RBBP8: variants seen among roughly 807,000 people sequenced by gnomAD.
RBBP8 encodes DNA endonuclease RBBP8.
RBBP8 carries 88 observed loss-of-function variants against 108.3 expected under a neutral mutation model. The ratio of observed to expected loss-of-function variants is 0.81; its 90% CI spans 0.68 to 0.97. The LOEUF (loss-of-function observed/expected upper bound fraction) is 0.97. Among genes scored for constraint, RBBP8 ranks in the 50% least tolerant of loss-of-function variants. The pLI is 0.00. For synonymous variants in RBBP8, 332 were observed against 348.2 expected, an observed-to-expected ratio of 0.95 and a Z score of 0.52; for missense variants, 1,023 against 1,049.0, an observed-to-expected ratio of 0.98 and a Z score of 0.34.
Position 23,016,876 on chromosome 18 carries a change from AGAG to A in RBBP8, c.2410_2412del (p.Glu804del), listed in dbSNP as rs771186414. ...CTCATATTGAGGTGGTTCGGAAAAA[AGAG>A]GAGAGAAGAAAACTGCTTGGGCACA... On this transcript the variant is annotated inframe_deletion, in exon 17 of 19. Coordinates refer to ENST00000327155, the MANE Select transcript of RBBP8 (RefSeq NM_002894.3). 84 of 1,613,972 alleles carry A rather than the reference AGAG, an allele frequency of 5.2e-5. No homozygotes were observed. The highest frequency in any genetic ancestry group is 1.7e-4 in the Admixed American group (10 of 60,012).
intron 2 of RBBP8, among the ~76,000 whole-genome samples, chr18:22,939,364 G>C (rs1398976555): frequency 2.0e-5 from 3 of 152,052 alleles, no homozygotes; most frequent in Non-Finnish European, 4.4e-5. Context: ...AAATTAGCCG[G>C]GTGTGGTGGT....
chr18:22,924,181 T>G (rs1236974121), intron 3 of RBBP8, among the ~76,000 whole-genome samples: 1 of 130,334 alleles, frequency 7.7e-6, no homozygotes, highest in African/African-American at 2.8e-5. Flanking sequence ...CAGGCTGGAG[T>G]GCAGTGGTGC....
At chr18:22,934,641 T>G (rs564263029) in intron 1 of RBBP8, 19 of 152,258 alleles carry the variant, frequency 1.2e-4, no homozygotes, top group African/African-American at 4.6e-4. Flanking sequence ...TCATTTACTT[T>G]AGGTATATCT....
In RBBP8 at chr18:23,016,913, G is replaced by A. The variant is rs771072943; in HGVS notation, c.2443G>A (p.Glu815Lys). 6.2e-7 allele frequency: 1 copy of A among 1,612,292 alleles called. No individual in the cohort carries two copies. The highest frequency in any genetic ancestry group is 1.1e-5 in the South Asian group (1 of 91,054). Reference protein sequence around the residue: ...RRKLLGHTCKECEIYYADMPA... With the variant: ...RRKLLGHTCKKCEIYYADMPA... ...AAAACTGCTTGGGCACACGTGTAAG[G>A]AATGTGAAATTGTAAGTACTAATGT... Residue 815 changes from glutamate (E) to lysine (K), a missense_variant, in exon 17 of 19, where the codon GAA becomes AAA. Coordinates refer to ENST00000327155, the MANE Select transcript of RBBP8 (RefSeq NM_002894.3).
chr18:22,959,886 T>TTC (rs1208582971), intron 4 of RBBP8, among the ~76,000 whole-genome samples: 1 of 148,080 alleles, frequency 6.8e-6, no homozygotes, highest in Non-Finnish European at 1.5e-5. Context: ...TTTTTTTTTT[T>TTC]TTTTTGGTGG....
chr18:22,936,774 C>T lies in RBBP8; in HGVS notation c.-78C>T, dbSNP rs1208930032. 2.4e-5 allele frequency: 38 copies of T among 1,556,426 alleles called. No individual in the cohort carries two copies. Among genetic ancestry groups the T allele is most frequent in the South Asian group, 7.8e-5 (7 of 89,774 alleles). On this transcript the variant is annotated 5_prime_UTR_variant, in exon 2 of 19. In the 5' UTR this introduces an upstream ATG that the reference lacks. Coordinates refer to ENST00000327155, the MANE Select transcript of RBBP8 (RefSeq NM_002894.3). ...TTCAGGTATTTGACCTGTCCAAAGA[C>T]GACTTGATACCTCTATAATGTAACA...
At chr18:22,955,756 AT>A (rs1345468428) in intron 4 of RBBP8, among the ~76,000 whole-genome samples, 1 of 150,374 alleles carries the variant, frequency 6.7e-6, no homozygotes, top group Non-Finnish European at 1.5e-5. Flanking sequence ...TTTTTTTTGT[AT>A]TTTTAGTAGA....
chr18:22,982,119 T>G, intron 6 of RBBP8, 99 bp from the exon 7 acceptor site: 1 of 1,359,098 alleles, frequency 7.4e-7, no homozygotes, highest in Admixed American at 2.0e-5. Context: ...TTACATCCCT[T>G]AGAGCTTCAT....
At chr18:22,954,991 C>T (rs1912387688) in intron 4 of RBBP8, among the ~76,000 whole-genome samples, 1 of 152,170 alleles carries the variant, frequency 6.6e-6, no homozygotes, top group Non-Finnish European at 1.5e-5. Context: ...CCTCCCAAAG[C>T]GCTGGTATTG....
chr18:22,924,905 T>C (rs79538164), intron 3 of RBBP8, among the ~76,000 whole-genome samples: 6 of 151,710 alleles, frequency 4.0e-5, no homozygotes, highest in South Asian at 2.1e-4. Context: ...TTTTTTTTTT[T>C]CTTTTTTTTG....
chr18:23,012,808 C>A (rs1218775609), intron 16 of RBBP8, among the ~76,000 whole-genome samples: 1 of 152,122 alleles, frequency 6.6e-6, no homozygotes, highest in Non-Finnish European at 1.5e-5. Context: ...GAAGAAGATG[C>A]CATCTATGAC....
chr18:23,001,587 T>C lies in RBBP8; in HGVS notation c.2145T>C (p.Asn715=), dbSNP rs1235745817. ...KQEQKGEKSS[N]EERKMNDSLE... Reference sequence around the variant, plus strand: ...CTAAGCCAGTGCTCTTTTACATAGATGAAGAAAGAAAAATGAATGATAGCT... The same window carrying C: ...CTAAGCCAGTGCTCTTTTACATAGACGAAGAAAGAAAAATGAATGATAGCT... The change falls in exon 15 of 19, where the codon AAT becomes AAC. Residue 715 remains asparagine, a splice_region_variant and synonymous_variant. Coordinates refer to ENST00000327155, the MANE Select transcript of RBBP8 (RefSeq NM_002894.3). 6.2e-7 allele frequency: 1 copy of C among 1,614,040 alleles called. No homozygotes were observed. The highest frequency in any genetic ancestry group is 1.7e-5 in the Admixed American group (1 of 60,020).
intron 4 of RBBP8, among the ~76,000 whole-genome samples, chr18:22,953,951 A>G (rs1008997255): frequency 6.6e-6 from 1 of 151,960 alleles, no homozygotes; most frequent in African/African-American, 2.4e-5. Flanking sequence ...CAAAAGGGGG[A>G]TAAGCCCCTT....
In RBBP8 at chr18:22,949,600, T is replaced by C. The variant is rs1911854908; in HGVS notation, c.153-18T>C. ...GAGTATTTTTATCTGAAAAACTTAT[T>C]TATTTTTTGACCTTTAGAGATGCAC... On this transcript the variant is annotated intron_variant, in intron 3 of 18. Transcript: ENST00000327155. 1 of 1,559,148 alleles carries C rather than the reference T, an allele frequency of 6.4e-7. No individual in the cohort carries two copies. Among genetic ancestry groups the C allele is most frequent in the Non-Finnish European group, 8.8e-7 (1 of 1,131,830 alleles).
chr18:22,970,216 T>A lies in RBBP8; in HGVS notation c.361+1298T>A, dbSNP rs147553223. On this transcript the variant is annotated intron_variant, in intron 5 of 18. Transcript: ENST00000327155. ...TTTGGAACTTTGTAGAATTTTTTTT[T>A]CCCAAATGTTTCCCATCCACAGATT... Among the ~76,000 whole-genome samples, 171 of 152,320 alleles carry A rather than the reference T, an allele frequency of 1.1e-3. 1 individual carries two copies. Among genetic ancestry groups the A allele is most frequent in the African/African-American group, 3.9e-3 (163 of 41,588 alleles).
At position 22,990,214 on chromosome 18, in the gene RBBP8, G is replaced by A. The variant is rs577118338; in HGVS notation, c.808-723G>A. 5.3e-5 allele frequency among the ~76,000 whole-genome samples: 8 copies of A among 152,310 alleles called. No homozygotes were observed. In the South Asian group the frequency reaches 8.3e-4, roughly 16 times the overall value. On this transcript the variant is annotated intron_variant, in intron 9 of 18. Transcript: ENST00000327155. ...GAAATCTAATGACTTGCTGCTTGAC[G>A]TGTGATCCATGGGCCAATAGCATCT...
chr18:22,984,102 A>ATT (rs1567977343), intron 7 of RBBP8, among the ~76,000 whole-genome samples: 4 of 151,994 alleles, frequency 2.6e-5, no homozygotes, highest in Admixed American at 6.6e-5. Context: ...TAATAATAAT[A>ATT]ATTTTAAATG....
intron 14 of RBBP8, among the ~76,000 whole-genome samples, chr18:23,000,647 CAGA>C (rs1256002300): frequency 1.5e-4 from 22 of 150,556 alleles, no homozygotes; most frequent in Non-Finnish European, 4.4e-5. Context: ...GAGGCTGAAG[CAGA>C]AGGATTGCTT....
At chr18:23,001,375 C>A (rs1287438356) in intron 14 of RBBP8, among the ~76,000 whole-genome samples, 1 of 152,160 alleles carries the variant, frequency 6.6e-6, no homozygotes, top group Admixed American at 6.6e-5. Flanking sequence ...TAGATAAACA[C>A]GTGTCATGGG....
Sources: allele counts gnomAD v4.1 joint callset (sites outside exome capture counted in the v4.1 genomes callset), GRCh38; gene constraint gnomAD v4.1.1; transcripts MANE v1.5; gene names NCBI Gene and HGNC (gene_info 2026-07-23, HGNC 2026-07-21).